SRP68: variants seen among roughly 807,000 people sequenced by gnomAD.
The protein encoded by SRP68 is signal recognition particle 68.
SRP68 carries 15 observed loss-of-function variants against 82.2 expected under a neutral mutation model. The observed-to-expected ratio is 0.18, with a 90% CI of 0.12 to 0.28. SRP68 has a LOEUF of 0.28. SRP68 is among the 10% of genes least tolerant of loss of function. The pLI, the probability that SRP68 is intolerant of heterozygous loss-of-function variation, is 1.00. For synonymous variants in SRP68, 261 were observed against 292.6 expected, an observed-to-expected ratio of 0.89 and a Z score of 1.10; for missense variants, 595 against 780.5, an observed-to-expected ratio of 0.76 and a Z score of 2.83.
intron 4 of SRP68, 43 bp downstream of exon 4, chr17:76,063,933 C>T: frequency 6.5e-7 from 1 of 1,533,378 alleles, no homozygotes; most frequent in Non-Finnish European, 8.9e-7. Flanking sequence ...TTTAAAATGT[C>T]TTTAATCTCC....
At position 76,072,246 on chromosome 17, in the gene SRP68, GC is replaced by G; in HGVS notation, c.184+61del. ...CTTGTCGGGACCCGCCGCCTCTCCC[GC>G]CCCCAGCCCTCCAGTTCGACACGTA... On this transcript the variant is annotated intron_variant, in intron 1 of 15. Coordinates refer to ENST00000307877, the MANE Select transcript of SRP68 (RefSeq NM_014230.4). This position sits in a 1 kb window ranked among gnomAD's most constrained non-coding sequence, Gnocchi z 4.5. 1.3e-6 allele frequency: 2 copies of G among 1,595,032 alleles called. No homozygotes were observed. The highest frequency in any genetic ancestry group is 8.5e-7 in the Non-Finnish European group (1 of 1,174,180).
intron 8 of SRP68, chr17:76,053,605 GT>G (rs1451067112): frequency 2.0e-6 from 2 of 985,276 alleles, no homozygotes; most frequent in African/African-American, 3.5e-5. Flanking sequence ...AAAGCTCTAA[GT>G]TCCCACTGGG....
chr17:76,064,007 C>T lies in SRP68; in HGVS notation c.530G>A (p.Arg177His), dbSNP rs200003470. Residue 177 changes from arginine (R) to histidine (H), a missense_variant, in exon 4 of 16, where the codon CGC becomes CAC. Arg to His is a conservative substitution (Grantham distance 29). Around this residue, in one of 2 missense-constraint regions of SRP68, gnomAD observed 495 missense variants for 688.6 expected, o/e 0.72. Transcript: ENST00000307877. ...EELERLCESN[R>H]VDAKTKLEAQ... ...CTCTAATTTGGTCTTGGCATCCACG[C>T]GATTGCTCTCACACAAGCGTTCCAA... The T allele has an allele frequency of 9.9e-6, 16 of 1,614,142 alleles. No homozygotes were observed. Among genetic ancestry groups the T allele is most frequent in the African/African-American group, 1.3e-5 (1 of 75,062 alleles).
chr17:76,051,539 G>A (rs1418128125), intron 8 of SRP68, among the ~76,000 whole-genome samples: 2 of 151,984 alleles, frequency 1.3e-5, no homozygotes, highest in Non-Finnish European at 2.9e-5. Context: ...GGGGGAACAG[G>A]GGCTTAAAGA....
rs1386910777 is a variant in SRP68, at chr17:76,069,061, G to C, written c.251+1317C>G. The stretch of plus-strand genomic sequence containing the variant: ...CCAACCTTTAAGTCAAAGTAATACA[G>C]CACATAATTTACAATACAAAATGAT... On this transcript the variant is annotated intron_variant, in intron 2 of 15. Transcript: ENST00000307877. Among the ~76,000 whole-genome samples, 3 of 150,654 alleles carry C rather than the reference G, an allele frequency of 2.0e-5. No homozygotes were observed. In the East Asian group the frequency reaches 5.8e-4, roughly 29 times the overall value.
chr17:76,070,827 G>A (rs1484270543), intron 1 of SRP68, among the ~76,000 whole-genome samples: 1 of 144,578 alleles, frequency 6.9e-6, no homozygotes, highest in African/African-American at 2.6e-5. Context: ...AGGTGAGAGT[G>A]AGATTCAGTC....
chr17:76,068,343 G>T (rs2066823153), intron 2 of SRP68, among the ~76,000 whole-genome samples: 1 of 150,986 alleles, frequency 6.6e-6, no homozygotes, highest in African/African-American at 2.4e-5. Flanking sequence ...TATAATTCTA[G>T]CTACTCGGGA....
At chr17:76,060,462 A>G (rs1414163704) in intron 6 of SRP68, 72 bp from the exon 7 acceptor site, 2 of 1,091,360 alleles carry the variant, frequency 1.8e-6, no homozygotes, top group African/African-American at 1.6e-5. Flanking sequence ...TTCAACTCAG[A>G]CTTAAAGAGC....
intron 7 of SRP68, among the ~76,000 whole-genome samples, chr17:76,059,789 C>CAAA (rs35942880): frequency 4.4e-4 from 39 of 87,896 alleles, no homozygotes; most frequent in African/African-American, 1.1e-3. Flanking sequence ...AAGACTGTCT[C>CAAA]AAAAAAAAAA....
At chr17:76,059,908 G>A (rs1415841277) in intron 7 of SRP68, among the ~76,000 whole-genome samples, 1 of 151,426 alleles carries the variant, frequency 6.6e-6, no homozygotes, top group Non-Finnish European at 1.5e-5. Context: ...GGCGGATCTC[G>A]AGGTCAGGAG....
chr17:76,070,315 G>T, intron 2 of SRP68, 63 bp downstream of exon 2: 9 of 1,304,842 alleles, frequency 6.9e-6, no homozygotes, highest in Non-Finnish European at 1.0e-5. Context: ...GAGTAAACAG[G>T]ATATTAACAA....
chr17:76,043,950 A>G lies in SRP68; in HGVS notation c.1403T>C (p.Phe468Ser), dbSNP rs745924652. The change falls in exon 13 of 16, where the codon TTC (phenylalanine) becomes TCC (serine). Residue 468 changes from phenylalanine (F) to serine (S), a missense_variant. Phe to Ser is a radical substitution (Grantham distance 155, BLOSUM62 -2). Around this residue, in one of 2 missense-constraint regions of SRP68, gnomAD observed 495 missense variants for 688.6 expected, o/e 0.72. Transcript: ENST00000307877. Reference protein sequence around the residue: ...TLVFKAYRCFFIAQSYVLVKK... With the variant: ...TLVFKAYRCFSIAQSYVLVKK... Reference sequence around the variant, plus strand: ...CACCAGCACATAGGACTGAGCAATGAAAAAACACCTGATGGGGAGGGAAAA... The same window carrying G: ...CACCAGCACATAGGACTGAGCAATGGAAAAACACCTGATGGGGAGGGAAAA... The G allele has an allele frequency of 6.2e-7, 1 of 1,603,164 alleles. No homozygotes were observed.
chr17:76,045,354 T>C lies in SRP68; in HGVS notation c.1332A>G (p.Leu444=). The part of the protein sequence containing the change: ...NLVELLQLPG[L]EEDKAFQKEI... ...CTTTCTGGAAGGCTTTGTCTTCCTC[T>C]AAACCAGGAAGCTGGAGCAATTCCA... The change falls in exon 12 of 16, where the codon TTA becomes TTG. Residue 444 remains leucine (L), a synonymous_variant. Coordinates refer to ENST00000307877, the MANE Select transcript of SRP68 (RefSeq NM_014230.4). The C allele has an allele frequency of 6.2e-7, 1 of 1,613,638 alleles. No homozygotes were observed. The highest frequency in any genetic ancestry group is 1.1e-5 in the South Asian group (1 of 91,062).
intron 13 of SRP68, among the ~76,000 whole-genome samples, chr17:76,042,929 C>T (rs536198759): frequency 6.6e-6 from 1 of 152,242 alleles, no homozygotes; most frequent in South Asian, 2.1e-4. Context: ...CTTTAACAGA[C>T]CCCCAAATGG....
At chr17:76,058,580 T>C (rs923661338) in intron 7 of SRP68, among the ~76,000 whole-genome samples, 1 of 152,154 alleles carries the variant, frequency 6.6e-6, no homozygotes, top group African/African-American at 2.4e-5. Flanking sequence ...TTGTTTTAAA[T>C]TTCTCCCTGG....
At chr17:76,058,903 C>T (rs1415709800) in intron 7 of SRP68, among the ~76,000 whole-genome samples, 1 of 152,190 alleles carries the variant, frequency 6.6e-6, no homozygotes, top group East Asian at 1.9e-4. Context: ...AAACAGACTT[C>T]TATGCAACGG....
intron 8 of SRP68, among the ~76,000 whole-genome samples, chr17:76,051,719 A>C (rs1232573634): frequency 6.6e-6 from 1 of 152,064 alleles, no homozygotes; most frequent in African/African-American, 2.4e-5. Flanking sequence ...CCTGTTGTTC[A>C]CTAACTTGGG....
At position 76,072,474 on chromosome 17, in the gene SRP68, C is replaced by T. The variant is rs745681553; in HGVS notation, c.18G>A (p.Gln6=). 1.3e-6 allele frequency: 2 copies of T among 1,581,478 alleles called. No homozygotes were observed. Among genetic ancestry groups the T allele is most frequent in the East Asian group, 2.3e-5 (1 of 44,190 alleles). The change falls in exon 1 of 16, where the codon CAG becomes CAA. Residue 6 remains glutamine, a synonymous_variant. Coordinates refer to ENST00000307877, the MANE Select transcript of SRP68 (RefSeq NM_014230.4). This position sits in a 1 kb window ranked among gnomAD's most constrained non-coding sequence, Gnocchi z 4.5. MAAEK[Q]VPGGGGGGGS... is the part of the protein sequence containing the mutation. Reference sequence around the variant, plus strand: ...CGCCGCCGCCGCCGCCGCCTGGGACCTGCTTCTCAGCAGCCATCTTGCCCC... The same window carrying T: ...CGCCGCCGCCGCCGCCGCCTGGGACTTGCTTCTCAGCAGCCATCTTGCCCC...
chr17:76,053,353 A>G lies in SRP68; in HGVS notation c.979-2827T>C, dbSNP rs145554693. 4.0e-4 allele frequency: 207 copies of G among 518,580 alleles called. 1 individual carries two copies. The African/African-American group carries it at 4.0e-3, about 10-fold the overall frequency. 32.1% of individuals were successfully genotyped at this position (518,580 alleles called of 1,614,324 possible). On this transcript the variant is annotated intron_variant, in intron 8 of 15. Transcript: ENST00000307877. The stretch of plus-strand genomic sequence containing the variant: ...GAGCTACGGCGCCCGTTTTAATTCC[A>G]TGCAATCCAACAAACATGCCAACAC...
Sources: allele counts gnomAD v4.1 joint callset (sites outside exome capture counted in the v4.1 genomes callset), GRCh38; gene constraint gnomAD v4.1.1; regional missense constraint gnomAD v4.1.1; non-coding constraint Gnocchi (gnomAD v3.1); transcripts MANE v1.5; gene names NCBI Gene and HGNC (gene_info 2026-07-23, HGNC 2026-07-21).